The following CABLES1 variants were observed in gnomAD, a reference collection of about 807,000 sequenced individuals.
CABLES1 encodes CDK5 and ABL1 enzyme substrate 1.
Under a neutral mutation model 57.8 loss-of-function variants are expected in CABLES1, and 36 were observed. That is an observed-to-expected ratio of 0.62 (90% CI 0.48 to 0.82). The LOEUF is 0.82. Among genes scored for constraint, CABLES1 ranks in the 40% least tolerant of loss-of-function variants. The pLI, the probability that CABLES1 is intolerant of heterozygous loss-of-function variation, is 0.00. For missense variants in CABLES1, 767 were observed against 836.6 expected (o/e 0.92, Z 1.03); for synonymous variants, 374 against 363.0 (o/e 1.03, Z -0.35).
chr18:23,185,759 C>G lies in CABLES1; in HGVS notation c.846-3079C>G, dbSNP rs749198704. Among the ~76,000 whole-genome samples the G allele has an allele frequency of 2.0e-5, 3 of 152,306 alleles. No individual in the cohort carries two copies. The East Asian group carries it at 5.8e-4, about 29-fold the overall frequency. ...AAAGGAAGGCCAAAGTGTGACAGAA[C>G]GTGTCGAGATTCTCAGGATCCGAAG... On this transcript the variant is annotated intron_variant, in intron 1 of 9. Coordinates refer to ENST00000256925, the MANE Select transcript of CABLES1 (RefSeq NM_001100619.3).
chr18:23,148,913 G>T (rs2046909999), intron 1 of CABLES1, among the ~76,000 whole-genome samples: 1 of 152,102 alleles, frequency 6.6e-6, no homozygotes, highest in South Asian at 2.1e-4. Context: ...TTTTGAGATG[G>T]AGTCTTGCTC....
intron 4 of CABLES1, among the ~76,000 whole-genome samples, chr18:23,221,296 G>A (rs998039523): frequency 7.9e-5 from 12 of 152,236 alleles, no homozygotes; most frequent in African/African-American, 1.7e-4. Context: ...ATAGGAAATC[G>A]TCTGCTAGAT....
chr18:23,203,898 T>C (rs1384994987), intron 3 of CABLES1, among the ~76,000 whole-genome samples: 3 of 152,198 alleles, frequency 2.0e-5, no homozygotes. Context: ...GTGAAAAGGC[T>C]AGCACCTGCC....
intron 4 of CABLES1, among the ~76,000 whole-genome samples, chr18:23,232,604 G>A (rs1213704711): frequency 3.3e-5 from 5 of 152,292 alleles, no homozygotes; most frequent in Non-Finnish European, 7.4e-5. Flanking sequence ...TAGGGCAGAC[G>A]GTCTTGTGGG....
At position 23,253,857 on chromosome 18, in the gene CABLES1, T is replaced by C. The variant is rs751334969; in HGVS notation, c.1682T>C (p.Leu561Pro). ...KGKLNKQNRK[L>P]CAGACVLLAA... is the part of the protein sequence containing the mutation. ...AAACTCAACAAACAGAACCGGAAGC[T>C]GTGTGCTGGGGCATGTGTGCTGTTA... Residue 561 changes from leucine to proline, a missense_variant, in exon 9 of 10, where the codon CTG (leucine) becomes CCG (proline). Leu to Pro is a moderately conservative substitution (Grantham distance 98). Around this residue, in one of 4 missense-constraint regions of CABLES1, gnomAD observed 529 missense variants for 622.8 expected, o/e 0.85. Transcript: ENST00000256925. 4.3e-6 allele frequency: 7 copies of C among 1,614,202 alleles called. 1 individual carries two copies. In the South Asian group the frequency reaches 6.6e-5, roughly 15 times the overall value.
chr18:23,202,365 C>T (rs576268352), intron 3 of CABLES1, among the ~76,000 whole-genome samples: 24 of 152,298 alleles, frequency 1.6e-4, no homozygotes, highest in Admixed American at 1.0e-3. Context: ...CCAAGCAAGC[C>T]TTTTGTCAAA....
At chr18:23,213,072 C>T (rs56689984) in intron 3 of CABLES1, among the ~76,000 whole-genome samples, 3,252 of 152,162 alleles carry the variant, frequency 0.021, 114 homozygotes, top group African/African-American at 0.074. Flanking sequence ...GCCAGGGAAC[C>T]GGACTACATC....
intron 7 of CABLES1, among the ~76,000 whole-genome samples, chr18:23,239,802 G>A (rs945794771): frequency 6.6e-6 from 1 of 152,260 alleles, no homozygotes; most frequent in South Asian, 2.1e-4. Context: ...CACCATAATC[G>A]TGAGGAAGGA....
At chr18:23,155,844 G>T (rs1281965321) in intron 1 of CABLES1, 44 of 1,611,352 alleles carry the variant, frequency 2.7e-5, no homozygotes, top group Non-Finnish European at 3.2e-5. Context: ...TCTTCCTGGT[G>T]TTTGAATGAC....
rs1451312868 is a variant in CABLES1, at chr18:23,188,892, G to C, written c.900G>C (p.Glu300Asp). 1 of 1,612,978 alleles carries C rather than the reference G, an allele frequency of 6.2e-7. No homozygotes were observed. Among genetic ancestry groups the C allele is most frequent in the Non-Finnish European group, 8.5e-7 (1 of 1,179,040 alleles). ...SSLETLEDIE[E>D]NAPLRRCRTL... The stretch of plus-strand genomic sequence containing the variant: ...TGGAGACCCTGGAAGATATTGAGGA[G>C]AACGCCCCTCTCCGGAGGTAATTTT... The change falls in exon 2 of 10, where the codon GAG (glutamate) becomes GAC (aspartate). Residue 300 changes from glutamate (E) to aspartate (D), a missense_variant. Transcript: ENST00000256925.
chr18:23,229,380 C>G (rs2047550920), intron 4 of CABLES1, among the ~76,000 whole-genome samples: 1 of 152,126 alleles, frequency 6.6e-6, no homozygotes, highest in Admixed American at 6.6e-5. Context: ...CCACTGCACT[C>G]CAGCCTAGGC....
At chr18:23,153,705 G>C (rs1282009563) in intron 1 of CABLES1, among the ~76,000 whole-genome samples, 1 of 152,104 alleles carries the variant, frequency 6.6e-6, no homozygotes, top group Non-Finnish European at 1.5e-5. Flanking sequence ...CTGCACTCCA[G>C]CCTGGGCAAC....
chr18:23,215,516 G>A (rs1461264624), intron 4 of CABLES1, among the ~76,000 whole-genome samples: 1 of 152,198 alleles, frequency 6.6e-6, no homozygotes, highest in African/African-American at 2.4e-5. Flanking sequence ...CTTGGCCAGA[G>A]CTTGGATGGT....
chr18:23,180,932 C>T (rs2047161166), intron 1 of CABLES1, among the ~76,000 whole-genome samples: 7 of 152,162 alleles, frequency 4.6e-5, no homozygotes. Flanking sequence ...TTCTAGTTGC[C>T]TCAAGGGCCA....
intron 5 of CABLES1, among the ~76,000 whole-genome samples, 154 bp downstream of exon 5, chr18:23,234,858 C>T (rs1014211909): frequency 9.9e-5 from 15 of 152,232 alleles, no homozygotes; most frequent in Non-Finnish European, 2.1e-4. Flanking sequence ...CCCGGCTCCC[C>T]TAGTGTGCAG....
At chr18:23,243,124 C>T (rs1488764510) in intron 7 of CABLES1, among the ~76,000 whole-genome samples, 2 of 151,192 alleles carry the variant, frequency 1.3e-5, no homozygotes, top group Non-Finnish European at 2.9e-5. Context: ...TAAAAGTTAC[C>T]TGGATGATTT....
In CABLES1 at chr18:23,149,360, C is replaced by T. The variant is rs558984397; in HGVS notation, c.845+12753C>T. On this transcript the variant is annotated intron_variant, in intron 1 of 9. Transcript: ENST00000256925. The stretch of plus-strand genomic sequence containing the variant: ...GCAGTACTACAATCTTGGCTCACTG[C>T]AGCCTCTGCCTCCAGGGCTTGAGCC... Among the ~76,000 whole-genome samples the T allele has an allele frequency of 7.4e-4, 112 of 152,282 alleles. 1 individual carries two copies. Among genetic ancestry groups the T allele is most frequent in the African/African-American group, 2.0e-3 (82 of 41,560 alleles).
intron 1 of CABLES1, among the ~76,000 whole-genome samples, chr18:23,156,211 TG>T (rs2046964830): frequency 6.6e-6 from 1 of 152,186 alleles, no homozygotes; most frequent in South Asian, 2.1e-4. Context: ...CTACAGGGGC[TG>T]GGCCATAGGC....
At chr18:23,179,633 G>A (rs1212437889) in intron 1 of CABLES1, among the ~76,000 whole-genome samples, 3 of 152,236 alleles carry the variant, frequency 2.0e-5, no homozygotes, top group Admixed American at 6.5e-5. Flanking sequence ...AGACTCTGTG[G>A]CTCTCCTCTT....
Sources: gnomAD v4.1 joint callset for allele counts (sites outside exome capture counted in the v4.1 genomes callset) on GRCh38, gnomAD v4.1.1 for gene constraint, gnomAD v4.1.1 regional missense constraint, MANE v1.5 for transcripts, NCBI Gene and HGNC (gene_info 2026-07-23, HGNC 2026-07-21) for gene names.